PDE1A: variants seen among roughly 807,000 people sequenced by gnomAD.
The protein encoded by PDE1A is dual specificity calcium/calmodulin-dependent 3',5'-cyclic nucleotide phosphodiesterase 1A.
PDE1A carries 35 observed loss-of-function variants against 61.7 expected under a neutral mutation model. The ratio of observed to expected loss-of-function variants is 0.57; its 90% CI spans 0.43 to 0.75. The LOEUF is 0.75. PDE1A is among the 30% of genes least tolerant of loss of function. The pLI is 0.00. For synonymous variants in PDE1A, 232 were observed against 213.2 expected (o/e 1.09, Z -0.77); for missense variants, 597 against 630.6 (o/e 0.95, Z 0.57).
upstream of PDE1A, among the ~76,000 whole-genome samples, chr2:182,523,770 A>T (rs750517275): frequency 6.6e-6 from 1 of 152,202 alleles, no homozygotes. Flanking sequence ...GAAAACTGAG[A>T]AACAGAGACA....
chr2:182,193,635 C>T (rs1277627391), intron 10 of PDE1A, among the ~76,000 whole-genome samples: 2 of 151,972 alleles, frequency 1.3e-5, no homozygotes, highest in African/African-American at 2.4e-5. Flanking sequence ...CTTCTAAATT[C>T]GAAGAACGCC....
chr2:182,631,334 G>A, the PDE1A span, among the ~76,000 whole-genome samples: 12 of 151,536 alleles, frequency 7.9e-5, no homozygotes, highest in Admixed American at 7.9e-4. Flanking sequence ...TATACTTTAA[G>A]TTTTAGGGTA....
intron 2 of PDE1A, among the ~76,000 whole-genome samples, chr2:182,482,727 T>G (rs963296633): frequency 6.6e-6 from 1 of 151,976 alleles, no homozygotes; most frequent in Non-Finnish European, 1.5e-5. Context: ...TTTACAATAG[T>G]GGCACTGGTC....
chr2:182,368,109 A>G (rs1378279364), intron 1 of PDE1A, among the ~76,000 whole-genome samples: 1 of 152,164 alleles, frequency 6.6e-6, no homozygotes, highest in Non-Finnish European at 1.5e-5. Context: ...TTATATTTGT[A>G]AGAGTATTTT....
the PDE1A span, among the ~76,000 whole-genome samples, chr2:182,540,384 AAGCAGCAGCAGCAGC>A: frequency 2.6e-5 from 2 of 77,462 alleles, no homozygotes; most frequent in Non-Finnish European, 6.3e-5. Context: ...AAAAAAAAAA[AAGCAGCAGCAGCAGC>A]AGCAGCAGCA....
intron 2 of PDE1A, among the ~76,000 whole-genome samples, chr2:182,456,909 A>G (rs1685959640): frequency 6.6e-6 from 1 of 152,082 alleles, no homozygotes; most frequent in Non-Finnish European, 1.5e-5. Flanking sequence ...CTTGCAGGAA[A>G]AATACAATCT....
chr2:182,706,912 G>C, the PDE1A span, among the ~76,000 whole-genome samples: 2 of 152,190 alleles, frequency 1.3e-5, no homozygotes, highest in African/African-American at 4.8e-5. Flanking sequence ...AGTAAAACTG[G>C]CAGTGAAAAC....
At chr2:182,362,491 G>A (rs777786190) in intron 1 of PDE1A, among the ~76,000 whole-genome samples, 2 of 152,036 alleles carry the variant, frequency 1.3e-5, no homozygotes, top group Non-Finnish European at 2.9e-5. Flanking sequence ...ACAGGGCTGA[G>A]AGGGTTCCCA....
chr2:182,342,842 T>A (rs1283154657), intron 1 of PDE1A, among the ~76,000 whole-genome samples: 1 of 152,228 alleles, frequency 6.6e-6, no homozygotes, highest in African/African-American at 2.4e-5. Flanking sequence ...GACTCTTTCA[T>A]ACCTATAACT....
chr2:182,185,982 G>A, exon 13 of PDE1A: 1 of 1,614,082 alleles, frequency 6.2e-7, no homozygotes, highest in Non-Finnish European at 8.5e-7. Flanking sequence ...ACTGCTGCAA[G>A]GGAGTAGTCT....
the PDE1A span, among the ~76,000 whole-genome samples, chr2:182,574,979 C>T: frequency 1.7e-4 from 26 of 152,306 alleles, 1 homozygote; most frequent in African/African-American, 6.0e-4. Context: ...CATGAGCCAC[C>T]GTGCCTGGCC....
chr2:182,333,619 G>C (rs1697576459), intron 1 of PDE1A, among the ~76,000 whole-genome samples: 1 of 152,118 alleles, frequency 6.6e-6, no homozygotes, highest in Admixed American at 6.6e-5. Flanking sequence ...GTGCCCACAA[G>C]AGAAAGCAGA....
chr2:182,229,551 T>C (rs1028761573), intron 6 of PDE1A, among the ~76,000 whole-genome samples: 1 of 152,124 alleles, frequency 6.6e-6, no homozygotes. Context: ...TTTGCAAAAA[T>C]TGACATTAAT....
At chr2:182,703,591 T>A in the PDE1A span, among the ~76,000 whole-genome samples, 92 of 152,264 alleles carry the variant, frequency 6.0e-4, no homozygotes, top group African/African-American at 2.1e-3. Context: ...AAAAATGTCA[T>A]AAATGGAATT....
chr2:182,186,462 T>C lies in PDE1A; in HGVS notation c.1328+6A>G. On this transcript the variant is annotated splice_donor_region_variant and intron_variant, in intron 12 of 13. Transcript: ENST00000351439. Reference sequence around the variant, plus strand: ...GAAAAATAATGCAAAAAAGAAAATATCATACCTGCTTGCCACATAGGAAGA... The same window carrying C: ...GAAAAATAATGCAAAAAAGAAAATACCATACCTGCTTGCCACATAGGAAGA... 1.9e-6 allele frequency: 3 copies of C among 1,609,362 alleles called. No homozygotes were observed. The highest frequency in any genetic ancestry group is 2.5e-6 in the Non-Finnish European group (3 of 1,178,946).
chr2:182,339,807 G>T (rs935246550), intron 1 of PDE1A, among the ~76,000 whole-genome samples: 3 of 152,068 alleles, frequency 2.0e-5, no homozygotes, highest in Non-Finnish European at 4.4e-5. Context: ...TGATTTAGCA[G>T]GTCTACTCCA....
At chr2:182,626,176 T>C in the PDE1A span, among the ~76,000 whole-genome samples, 1 of 152,128 alleles carries the variant, frequency 6.6e-6, no homozygotes, top group Non-Finnish European at 1.5e-5. Context: ...CCCATGAATT[T>C]CCAAAACAAA....
chr2:182,571,191 T>C, the PDE1A span, among the ~76,000 whole-genome samples: 1 of 152,206 alleles, frequency 6.6e-6, no homozygotes, highest in Admixed American at 6.5e-5. Flanking sequence ...GCTATTTTCA[T>C]GGATGAAACT....
the PDE1A span, among the ~76,000 whole-genome samples, chr2:182,647,702 G>A: frequency 2.0e-5 from 3 of 152,070 alleles, no homozygotes; most frequent in African/African-American, 7.2e-5. Flanking sequence ...TTAAAGATAC[G>A]ATGCTACAGT....
Sources: gnomAD v4.1 joint callset for allele counts (sites outside exome capture counted in the v4.1 genomes callset) on GRCh38, gnomAD v4.1.1 for gene constraint, MANE v1.5 for transcripts, NCBI Gene and HGNC (gene_info 2026-07-23, HGNC 2026-07-21) for gene names.